ZCCHC9: variants seen among roughly 807,000 people sequenced by gnomAD.
ZCCHC9 encodes zinc finger CCHC domain-containing protein 9.
Under a neutral mutation model 30.8 loss-of-function variants are expected in ZCCHC9, and 18 were observed. The ratio of observed to expected loss-of-function variants is 0.58; its 90% confidence interval spans 0.40 to 0.87. The LOEUF (loss-of-function observed/expected upper bound fraction) is 0.87, where lower values mean the gene tolerates loss of function less well. Ranked by LOEUF, ZCCHC9 falls within the 40% of genes least tolerant of loss-of-function variation. The pLI is 0.00. For synonymous variants in ZCCHC9, 94 were observed against 106.7 expected, an observed-to-expected ratio of 0.88 and a Z score of 0.73; for missense variants, 279 against 331.2, an observed-to-expected ratio of 0.84 and a Z score of 1.22.
intron 2 of ZCCHC9, 114 bp downstream of exon 2, chr5:81,305,255 A>ATTT: frequency 7.1e-7 from 1 of 1,400,922 alleles, no homozygotes; most frequent in South Asian, 1.5e-5. Flanking sequence ...CCAGATTTAT[A>ATTT]GAGCATCGTT....
At chr5:81,303,849 G>C (rs1225123389) in intron 1 of ZCCHC9, 3 of 152,152 alleles carry the variant, frequency 2.0e-5, no homozygotes, top group African/African-American at 7.2e-5. Context: ...CATGTGACTA[G>C]CTGATGAATC....
At chr5:81,308,529 G>T in intron 2 of ZCCHC9, 32 bp from the exon 3 acceptor site, 1 of 1,579,852 alleles carries the variant, frequency 6.3e-7, no homozygotes, top group South Asian at 1.2e-5. Flanking sequence ...GTATAGTTTT[G>T]CAGCGTGCCA....
intron 2 of ZCCHC9, chr5:81,308,334 AGATTTATG>A: frequency 2.2e-6 from 1 of 447,846 alleles, no homozygotes; most frequent in Non-Finnish European, 3.8e-6. Flanking sequence ...ATTGTTCCTG[AGATTTATG>A]GATTTATTGA....
At chr5:81,309,861 C>G (rs1000331796) in intron 4 of ZCCHC9, among the ~76,000 whole-genome samples, 1 of 152,070 alleles carries the variant, frequency 6.6e-6, no homozygotes, top group Non-Finnish European at 1.5e-5. Flanking sequence ...ATGTATCTTA[C>G]CGTTGGTGGG....
chr5:81,312,529 T>C lies in ZCCHC9; in HGVS notation c.698-15T>C. The C allele has an allele frequency of 6.3e-7, 1 of 1,591,152 alleles. No individual in the cohort carries two copies. Among genetic ancestry groups the C allele is most frequent in the Non-Finnish European group, 8.6e-7 (1 of 1,165,080 alleles). ...ACTGTTTTTCTAACATTCTGATTTT[T>C]CTATTCCTTTACAGAGCGAATGGTC... On this transcript the variant is annotated splice_polypyrimidine_tract_variant and intron_variant, in intron 5 of 5. Transcript: ENST00000407610.
chr5:81,310,808 AC>A (rs1353492414), intron 4 of ZCCHC9, among the ~76,000 whole-genome samples: 3 of 152,128 alleles, frequency 2.0e-5, no homozygotes, highest in African/African-American at 7.2e-5. Flanking sequence ...TGGGCCATTG[AC>A]TGTTTGAGAA....
chr5:81,312,784 G>A lies in ZCCHC9; in HGVS notation c.*122G>A. On this transcript the variant is annotated 3_prime_UTR_variant, in exon 6 of 6. Transcript: ENST00000407610. ...ATGCTGTAGATATCAGTATGATCTG[G>A]GTGTGGCCAAAAACAATTTTCTTTA... 1 of 664,080 alleles carries A rather than the reference G, an allele frequency of 1.5e-6. No individual in the cohort carries two copies. The highest frequency in any genetic ancestry group is 2.2e-5 in the South Asian group (1 of 45,566). 41.1% of individuals were successfully genotyped at this position (664,080 alleles called of 1,614,324 possible).
chr5:81,308,829 G>T, intron 3 of ZCCHC9, 117 bp from the exon 4 acceptor site: 2 of 1,408,606 alleles, frequency 1.4e-6, no homozygotes, highest in South Asian at 1.5e-5. Context: ...GAAATCATAT[G>T]AGATTAAATT....
chr5:81,309,037 T>C lies in ZCCHC9; in HGVS notation c.627T>C (p.Asp209=), dbSNP rs1758184463. The change falls in exon 4 of 6, where the codon GAT becomes GAC. Residue 209 remains aspartate (D), a splice_region_variant and synonymous_variant. Coordinates refer to ENST00000407610, the MANE Select transcript of ZCCHC9 (RefSeq NM_001131035.2). ...CPDNPKGLYA[D]GGGCKLCGSV... ...ATAATCCCAAAGGACTCTATGCTGATGGTAAGTACTGTTACCCTCATATAG... is the reference window on the plus strand; with the variant it reads ...ATAATCCCAAAGGACTCTATGCTGACGGTAAGTACTGTTACCCTCATATAG... 1 of 1,605,538 alleles carries C rather than the reference T, an allele frequency of 6.2e-7. No homozygotes were observed. Among genetic ancestry groups the C allele is most frequent in the African/African-American group, 1.3e-5 (1 of 74,694 alleles).
At chr5:81,305,679 G>A (rs375744164) in intron 2 of ZCCHC9, among the ~76,000 whole-genome samples, 2 of 152,122 alleles carry the variant, frequency 1.3e-5, no homozygotes, top group South Asian at 2.1e-4. Flanking sequence ...AGGAGGATTG[G>A]GCCTGGGAGG....
chr5:81,311,488 C>T (rs957534107), intron 5 of ZCCHC9, among the ~76,000 whole-genome samples: 5 of 152,050 alleles, frequency 3.3e-5, no homozygotes, highest in Admixed American at 1.3e-4. Context: ...ACCAGTAAGC[C>T]TTAGGGGACC....
intron 2 of ZCCHC9, 113 bp downstream of exon 2, chr5:81,305,254 T>C (rs1758056617): frequency 7.1e-6 from 10 of 1,399,450 alleles, no homozygotes; most frequent in African/African-American, 1.5e-5. Flanking sequence ...CCCAGATTTA[T>C]AGAGCATCGT....
chr5:81,307,336 A>G (rs1192851832), intron 2 of ZCCHC9, among the ~76,000 whole-genome samples: 1 of 152,242 alleles, frequency 6.6e-6, no homozygotes, highest in Non-Finnish European at 1.5e-5. Flanking sequence ...TTGTGCATAT[A>G]TTCTAAAAAT....
At chr5:81,309,103 A>G (rs1735654684) in intron 4 of ZCCHC9, 65 bp downstream of exon 4, 1 of 1,184,346 alleles carries the variant, frequency 8.4e-7, no homozygotes, top group African/African-American at 1.5e-5. Flanking sequence ...TTTAATTTAC[A>G]CTCAATCACA....
chr5:81,302,359 C>G (rs1389675876), intron 1 of ZCCHC9: 2 of 152,332 alleles, frequency 1.3e-5, no homozygotes, highest in Non-Finnish European at 2.9e-5. Flanking sequence ...GTAATCCCAG[C>G]TATTCGGGAG....
In ZCCHC9 at chr5:81,308,641, G is replaced by A. The variant is rs371531563; in HGVS notation, c.465G>A (p.Gly155=). 1.9e-6 allele frequency: 3 copies of A among 1,613,956 alleles called. No homozygotes were observed. Among genetic ancestry groups the A allele is most frequent in the Non-Finnish European group, 2.5e-6 (3 of 1,179,906 alleles). ...AALENQDMGT[G]ICYRCGSTEH... ...TTGAAAATCAAGACATGGGCACTGG[G>A]ATATGTTACAGGTGTGGGTCCACAG... The change falls in exon 3 of 6, where the codon GGG becomes GGA. Residue 155 remains glycine, a synonymous_variant. Coordinates refer to ENST00000407610, the MANE Select transcript of ZCCHC9 (RefSeq NM_001131035.2).
chr5:81,311,317 T>A, intron 5 of ZCCHC9, 38 bp downstream of exon 5: 2 of 1,593,248 alleles, frequency 1.3e-6, no homozygotes, highest in Non-Finnish European at 1.7e-6. Context: ...GGGGTGAGAT[T>A]AGTATTCCTC....
In ZCCHC9 at chr5:81,311,237, G is replaced by T. The variant is rs1580499920; in HGVS notation, c.655G>T (p.Val219Leu). ...TGGCGGTTGCAAACTTTGTGGCTCT[G>T]TGGAACATTTAAAGAAAGATTGCCC... ...DGGGCKLCGS[V>L]EHLKKDCPES... Residue 219 changes from valine to leucine, a missense_variant, in exon 5 of 6, where the codon GTG (valine) becomes TTG (leucine). Physicochemically the swap from Val to Leu is conservative, Grantham distance 32. Transcript: ENST00000407610. The T allele has an allele frequency of 1.2e-6, 2 of 1,614,116 alleles. No homozygotes were observed. Among genetic ancestry groups the T allele is most frequent in the East Asian group, 4.5e-5 (2 of 44,880 alleles).
chr5:81,304,763 C>A lies in ZCCHC9; in HGVS notation c.6C>A (p.Thr2=). M[T]RWARVSTTYN... ...AAGGTACCACTGATGAAATTATGAC[C>A]AGGTGGGCCCGAGTTAGTACCACAT... The change falls in exon 2 of 6, where the codon ACC becomes ACA. Residue 2 remains threonine, a synonymous_variant. Coordinates refer to ENST00000407610, the MANE Select transcript of ZCCHC9 (RefSeq NM_001131035.2). 6.4e-7 allele frequency: 1 copy of A among 1,572,458 alleles called. No individual in the cohort carries two copies. Among genetic ancestry groups the A allele is most frequent in the Non-Finnish European group, 8.6e-7 (1 of 1,162,336 alleles).
Sources: allele counts gnomAD v4.1 joint callset (sites outside exome capture counted in the v4.1 genomes callset), GRCh38; gene constraint gnomAD v4.1.1; transcripts MANE v1.5; gene names NCBI Gene and HGNC (gene_info 2026-07-23, HGNC 2026-07-21).